REL: variants seen among roughly 807,000 people sequenced by gnomAD.
The protein encoded by REL is proto-oncogene c-Rel.
A neutral mutation model predicts 45.9 loss-of-function variants in REL; 15 were observed. The observed-to-expected ratio is 0.33, with a 90% CI of 0.22 to 0.50. The LOEUF (loss-of-function observed/expected upper bound fraction) is 0.50, where lower values mean the gene tolerates loss of function less well. REL is among the 20% of genes least tolerant of loss of function. REL has a pLI of 0.98. For synonymous variants in REL, 239 were observed against 242.1 expected (o/e 0.99, Z 0.12); for missense variants, 601 against 715.2 (o/e 0.84, Z 1.82).
intron 4 of REL, among the ~76,000 whole-genome samples, chr2:60,902,865 A>G (rs761937680): frequency 1.3e-5 from 2 of 152,200 alleles, no homozygotes; most frequent in Non-Finnish European, 2.9e-5. Context: ...CTGGGATTAC[A>G]GGCATGAGCC....
At chr2:60,916,848 C>A (rs914908836) in intron 4 of REL, 29 bp from the exon 5 acceptor site, 4 of 1,573,318 alleles carry the variant, frequency 2.5e-6, no homozygotes, top group African/African-American at 1.4e-5. Flanking sequence ...GTGACTATTA[C>A]ATTTAAAAAA....
At chr2:60,893,468 A>G (rs982076637) in intron 2 of REL, among the ~76,000 whole-genome samples, 2 of 152,184 alleles carry the variant, frequency 1.3e-5, no homozygotes, top group Non-Finnish European at 2.9e-5. Flanking sequence ...AGTCATTTTT[A>G]AACTTTTCTT....
In REL at chr2:60,927,839, C is replaced by T. The variant is rs1413827402; in HGVS notation, c.*5304C>T. On this transcript the variant is annotated 3_prime_UTR_variant, in exon 10 of 10. Transcript: ENST00000394479. ...CACCATGTTTAGGACATTTCCAGCACCCCTGAAATTTCCTTCATGCCCCTT... is the reference window on the plus strand; with the variant it reads ...CACCATGTTTAGGACATTTCCAGCATCCCTGAAATTTCCTTCATGCCCCTT... The T allele has an allele frequency of 1.3e-5, 3 of 227,284 alleles. No individual in the cohort carries two copies. Among genetic ancestry groups the T allele is most frequent in the African/African-American group, 6.7e-5 (3 of 44,986 alleles). 14.1% of individuals were successfully genotyped at this position (227,284 alleles called of 1,614,324 possible).
chr2:60,890,625 C>T (rs1673185310), intron 1 of REL, among the ~76,000 whole-genome samples: 1 of 152,088 alleles, frequency 6.6e-6, no homozygotes, highest in South Asian at 2.1e-4. Context: ...TACCTTTTCC[C>T]CCACAATTTG....
intron 1 of REL, among the ~76,000 whole-genome samples, chr2:60,889,895 G>A (rs1183120560): frequency 6.6e-6 from 1 of 152,170 alleles, no homozygotes. Flanking sequence ...TGTGAAGAGT[G>A]CCGCAATAAA....
intron 3 of REL, among the ~76,000 whole-genome samples, chr2:60,895,603 T>C (rs1293543722): frequency 6.6e-6 from 1 of 152,222 alleles, no homozygotes; most frequent in Admixed American, 6.5e-5. Flanking sequence ...AAGATAAAAA[T>C]AGTCATGTAA....
chr2:60,912,905 G>T (rs543610546), intron 4 of REL, among the ~76,000 whole-genome samples: 2 of 151,328 alleles, frequency 1.3e-5, no homozygotes, highest in Non-Finnish European at 2.9e-5. Context: ...TAATTAAGTC[G>T]GATTCCCTAC....
intron 4 of REL, among the ~76,000 whole-genome samples, chr2:60,907,587 T>C (rs184426112): frequency 6.6e-6 from 1 of 152,176 alleles, no homozygotes; most frequent in Admixed American, 6.5e-5. Flanking sequence ...TGAGCCCAGA[T>C]TGTGCCACTG....
chr2:60,891,904 G>A (rs567502204), intron 2 of REL, 79 bp downstream of exon 2: 3 of 1,288,354 alleles, frequency 2.3e-6, no homozygotes, highest in Middle Eastern at 2.0e-4. Flanking sequence ...TAAAGGGCCA[G>A]TTTCTTCACA....
At chr2:60,911,250 G>C (rs1673804898) in intron 4 of REL, 1 of 152,180 alleles carries the variant, frequency 6.6e-6, no homozygotes, top group Non-Finnish European at 1.5e-5. Flanking sequence ...AATTATTATA[G>C]TGATAACCCA....
rs1221641633 is a variant in REL at position 60,931,406 on chromosome 2, T to C, written c.*8871T>C. The C allele has an allele frequency of 6.6e-6, 1 of 152,356 alleles. No individual in the cohort carries two copies. The highest frequency in any genetic ancestry group is 1.5e-5 in the Non-Finnish European group (1 of 68,030). The allele number at this position is 152,356 out of a possible 1,614,324, so 9.4% of individuals were successfully genotyped here. A position where few individuals can be genotyped will look rare whatever the true frequency, so the allele number is the denominator to read the frequency against. On this transcript the variant is annotated 3_prime_UTR_variant, in exon 10 of 10. Coordinates refer to ENST00000394479, the MANE Select transcript of REL (RefSeq NM_001291746.2). Reference sequence around the variant, plus strand: ...TGAGTATTTGTAGATGCTTAATGACTGAAATGAATTTGGAGGCACTGATGA... The same window carrying C: ...TGAGTATTTGTAGATGCTTAATGACCGAAATGAATTTGGAGGCACTGATGA...
Position 60,924,526 on chromosome 2 carries a change from A to T in REL, c.*1991A>T, listed in dbSNP as rs36047498. The T allele has an allele frequency of 0.11, 23,581 of 215,966 alleles. 1,425 individuals carry two copies. The highest frequency in any genetic ancestry group is 0.17 in the Middle Eastern group (120 of 690). The allele number at this position is 215,966 out of a possible 1,614,324, so 13.4% of individuals were successfully genotyped here. On this transcript the variant is annotated 3_prime_UTR_variant, in exon 10 of 10. Transcript: ENST00000394479. ...TCGTGTACATTCAAGTCCAGGAATA[A>T]TAATGGTCATCCAAATTGTTTGAAA...
At chr2:60,910,487 A>C (rs1425662377) in intron 4 of REL, among the ~76,000 whole-genome samples, 1,580 of 151,580 alleles carry the variant, frequency 0.01, 18 homozygotes, top group African/African-American at 0.034. Flanking sequence ...AAAAACAAAA[A>C]AAAAAAAAAC....
rs1051762444 is a variant in REL at position 60,900,973 on chromosome 2, A to T, written c.303-19A>T. ...TTGTGTTTATAATGCAGTTTTGAAT[A>T]TTGTTTTTTTCCTGCTAGTTTCCAA... On this transcript the variant is annotated intron_variant, in intron 3 of 9. Transcript: ENST00000394479. The T allele has an allele frequency of 1.6e-5, 26 of 1,587,616 alleles. No individual in the cohort carries two copies. Among genetic ancestry groups the T allele is most frequent in the African/African-American group, 1.4e-4 (10 of 73,690 alleles).
rs1394160002 is a variant in REL, at chr2:60,929,568, A to G, written c.*7033A>G. 6.6e-6 allele frequency: 1 copy of G among 151,402 alleles called. No homozygotes were observed. Among genetic ancestry groups the G allele is most frequent in the Non-Finnish European group, 1.5e-5 (1 of 67,910 alleles). 9.4% of individuals were successfully genotyped at this position (151,402 alleles called of 1,614,324 possible). Reference sequence around the variant, plus strand: ...ACATCATTCTCAGTAAACTATCGCAAGAACAAGAAACCAAACACCACATAT... The same window carrying G: ...ACATCATTCTCAGTAAACTATCGCAGGAACAAGAAACCAAACACCACATAT... On this transcript the variant is annotated 3_prime_UTR_variant, in exon 10 of 10. Coordinates refer to ENST00000394479, the MANE Select transcript of REL (RefSeq NM_001291746.2).
At chr2:60,890,470 T>C (rs1673181574) in intron 1 of REL, among the ~76,000 whole-genome samples, 1 of 152,184 alleles carries the variant, frequency 6.6e-6, no homozygotes, top group Non-Finnish European at 1.5e-5. Context: ...TGTGTTACCA[T>C]TTCTCAGGAT....
At chr2:60,892,938 A>C (rs1573317081) in intron 2 of REL, among the ~76,000 whole-genome samples, 1 of 152,036 alleles carries the variant, frequency 6.6e-6, no homozygotes, top group East Asian at 1.9e-4. Flanking sequence ...TATTTTTAGT[A>C]GAGACAGGGT....
At chr2:60,917,733 CAT>C (rs1369919563) in intron 5 of REL, among the ~76,000 whole-genome samples, 1 of 144,772 alleles carries the variant, frequency 6.9e-6, no homozygotes, top group Non-Finnish European at 1.5e-5. Flanking sequence ...TGTGTGTGTA[CAT>C]AGACTTAGAT....
Position 60,928,154 on chromosome 2 carries a change from C to CA in REL, c.*5636dup, listed in dbSNP as rs549824510. On this transcript the variant is annotated 3_prime_UTR_variant, in exon 10 of 10. Transcript: ENST00000394479. Reference sequence around the variant, plus strand: ...GTAATATAAGGAAAACCTGTCTCTGCAAAAAAAAAAAAAAAAAGAGGATAC... The same window carrying CA: ...GTAATATAAGGAAAACCTGTCTCTGCAAAAAAAAAAAAAAAAAAGAGGATAC... 4,878 of 82,924 alleles carry CA rather than the reference C, an allele frequency of 0.059. 92 individuals are homozygous for CA. Among genetic ancestry groups the CA allele is most frequent in the African/African-American group, 0.11 (2,370 of 21,322 alleles). 5.1% of individuals were successfully genotyped at this position (82,924 alleles called of 1,614,324 possible).
Sources: allele counts gnomAD v4.1 joint callset (sites outside exome capture counted in the v4.1 genomes callset), GRCh38; gene constraint gnomAD v4.1.1; transcripts MANE v1.5; gene names NCBI Gene and HGNC (gene_info 2026-07-23, HGNC 2026-07-21).